Variants in RHOBTB1 observed in about 807,000 individuals in gnomAD.
The protein encoded by RHOBTB1 is rho-related BTB domain-containing protein 1.
RHOBTB1 carries 40 observed loss-of-function variants against 71.6 expected under a neutral mutation model. The ratio of observed to expected loss-of-function variants is 0.56; its 90% CI spans 0.43 to 0.73. The LOEUF (loss-of-function observed/expected upper bound fraction) is 0.73, where lower values mean the gene tolerates loss of function less well. Ranked by LOEUF, RHOBTB1 falls within the 30% of genes least tolerant of loss-of-function variation. The pLI, the probability that RHOBTB1 is intolerant of heterozygous loss-of-function variation, is 0.00. For missense variants in RHOBTB1, 797 were observed against 894.0 expected (o/e 0.89, Z 1.38); for synonymous variants, 319 against 334.9 (o/e 0.95, Z 0.52).
chr10:60,926,881 G>A (rs1024947661), intron 2 of RHOBTB1, among the ~76,000 whole-genome samples: 3 of 152,112 alleles, frequency 2.0e-5, no homozygotes. Flanking sequence ...TCTAGTCAGA[G>A]CAATTGGACA....
At chr10:60,952,452 T>G (rs2085445903) in intron 2 of RHOBTB1, among the ~76,000 whole-genome samples, 1 of 152,230 alleles carries the variant, frequency 6.6e-6, no homozygotes, top group African/African-American at 2.4e-5. Flanking sequence ...TATACTCACT[T>G]TCATTAACTC....
At position 60,932,789 on chromosome 10, in the gene RHOBTB1, G is replaced by C. The variant is rs189344248; in HGVS notation, c.-11+9015C>G. ...AAAGATTGAGATAGAGATATACTAA[G>C]CACTCATTTGAGAAAGCTAATATCA... On this transcript the variant is annotated intron_variant, in intron 2 of 10. Transcript: ENST00000337910. 3.4e-3 allele frequency among the ~76,000 whole-genome samples: 515 copies of C among 152,186 alleles called. 7 individuals carry two copies. The highest frequency in any genetic ancestry group is 0.011 in the African/African-American group (476 of 41,518).
At chr10:60,883,176 T>C (rs2081404303) in intron 7 of RHOBTB1, among the ~76,000 whole-genome samples, 1 of 152,186 alleles carries the variant, frequency 6.6e-6, no homozygotes, top group Non-Finnish European at 1.5e-5. Flanking sequence ...AGGTCTTCAG[T>C]GGCTTGGTTC....
At chr10:60,916,048 A>G (rs1463546010) in intron 2 of RHOBTB1, among the ~76,000 whole-genome samples, 1 of 152,208 alleles carries the variant, frequency 6.6e-6, no homozygotes, top group African/African-American at 2.4e-5. Context: ...CCTGTGCTGG[A>G]TGAAATAAGG....
At chr10:60,954,369 A>C (rs1258457026) in intron 2 of RHOBTB1, among the ~76,000 whole-genome samples, 1 of 152,204 alleles carries the variant, frequency 6.6e-6, no homozygotes, top group Admixed American at 6.5e-5. Context: ...CAGTCTCAAA[A>C]AGGCTTTACA....
At chr10:60,863,767 A>G in the RHOBTB1 span, among the ~76,000 whole-genome samples, 1 of 152,054 alleles carries the variant, frequency 6.6e-6, no homozygotes, top group Non-Finnish European at 1.5e-5. Context: ...TCCTGACCTC[A>G]AGTGATCCGC....
At chr10:60,920,914 C>T (rs1192419737) in intron 2 of RHOBTB1, among the ~76,000 whole-genome samples, 1 of 151,592 alleles carries the variant, frequency 6.6e-6, no homozygotes, top group East Asian at 1.9e-4. Context: ...ACCTTGGCCT[C>T]CCAAAATGCT....
intron 2 of RHOBTB1, among the ~76,000 whole-genome samples, chr10:60,951,684 G>A (rs1589406877): frequency 6.6e-6 from 1 of 152,162 alleles, no homozygotes; most frequent in African/African-American, 2.4e-5. Flanking sequence ...TGAGAGGCAC[G>A]GAAGCTTCAT....
intron 4 of RHOBTB1, among the ~76,000 whole-genome samples, chr10:60,895,989 G>C (rs1220556732): frequency 6.6e-6 from 1 of 152,196 alleles, no homozygotes; most frequent in Non-Finnish European, 1.5e-5. Flanking sequence ...AGTATCCTCT[G>C]TGATATAAAC....
the RHOBTB1 span, among the ~76,000 whole-genome samples, chr10:60,864,099 G>T: frequency 6.6e-6 from 1 of 152,126 alleles, no homozygotes; most frequent in Non-Finnish European, 1.5e-5. Flanking sequence ...CTTGAGACCA[G>T]ACTGAGTGGG....
In RHOBTB1 at chr10:60,905,700, A is replaced by T. The variant is rs181455269; in HGVS notation, c.296+5187T>A. 1.4e-4 allele frequency among the ~76,000 whole-genome samples: 22 copies of T among 152,208 alleles called. No individual in the cohort carries two copies. In the East Asian group the frequency reaches 4.3e-3, roughly 29 times the overall value. On this transcript the variant is annotated intron_variant, in intron 4 of 10. Coordinates refer to ENST00000337910, the MANE Select transcript of RHOBTB1 (RefSeq NM_014836.5). Reference sequence around the variant, plus strand: ...CTGGCCCTGGTCCACCTCCTGGTCCACTTGAAGTTTCACTGTGCAACGGGC... The same window carrying T: ...CTGGCCCTGGTCCACCTCCTGGTCCTCTTGAAGTTTCACTGTGCAACGGGC...
At chr10:60,996,423 G>C (rs1286916664) in intron 1 of RHOBTB1, among the ~76,000 whole-genome samples, 1 of 152,086 alleles carries the variant, frequency 6.6e-6, no homozygotes, top group Non-Finnish European at 1.5e-5. Flanking sequence ...TTAAGGCCTA[G>C]TTCAACTATA....
chr10:60,922,001 G>T (rs1392732239), intron 2 of RHOBTB1, among the ~76,000 whole-genome samples: 1 of 152,168 alleles, frequency 6.6e-6, no homozygotes, highest in Non-Finnish European at 1.5e-5. Context: ...GCAGGCAGGA[G>T]GGGCATAGGA....
chr10:60,909,250 C>A (rs960415751), intron 4 of RHOBTB1, among the ~76,000 whole-genome samples: 6 of 152,206 alleles, frequency 3.9e-5, no homozygotes, highest in African/African-American at 1.4e-4. Context: ...ACCACACCAG[C>A]TTTACGCTGA....
intron 2 of RHOBTB1, among the ~76,000 whole-genome samples, chr10:60,976,556 C>G (rs1439244585): frequency 6.6e-6 from 1 of 151,874 alleles, no homozygotes; most frequent in Admixed American, 6.6e-5. Context: ...CAGTGACATT[C>G]CTCTGTAGTA....
intron 2 of RHOBTB1, among the ~76,000 whole-genome samples, chr10:60,928,411 T>C (rs1046165170): frequency 6.6e-6 from 1 of 151,980 alleles, no homozygotes; most frequent in African/African-American, 2.4e-5. Flanking sequence ...ATAACCAAGA[T>C]ATGGAATAAA....
intron 1 of RHOBTB1, among the ~76,000 whole-genome samples, chr10:60,989,749 C>T (rs1241544922): frequency 6.6e-6 from 1 of 152,098 alleles, no homozygotes; most frequent in Non-Finnish European, 1.5e-5. Context: ...GGGAAGTCCC[C>T]AGACATGTGC....
rs368344760 is a variant in RHOBTB1 at position 60,875,920 on chromosome 10, T to G, written c.1727-878A>C. 7.2e-5 allele frequency among the ~76,000 whole-genome samples: 11 copies of G among 152,352 alleles called. No homozygotes were observed. The South Asian group carries it at 2.3e-3, about 32-fold the overall frequency. ...GCCTTGGCTCAGCATTTCTAGGTCT[T>G]TGACATTGATGTCATCTGTAGCATT... On this transcript the variant is annotated intron_variant, in intron 8 of 10. Transcript: ENST00000337910.
chr10:60,975,381 C>T (rs1011769262), intron 2 of RHOBTB1, among the ~76,000 whole-genome samples: 1 of 152,080 alleles, frequency 6.6e-6, no homozygotes, highest in Non-Finnish European at 1.5e-5. Context: ...GTTGGAAAGA[C>T]ACTGCCTGCA....
Sources: allele counts gnomAD v4.1 joint callset (sites outside exome capture counted in the v4.1 genomes callset), GRCh38; gene constraint gnomAD v4.1.1; transcripts MANE v1.5; gene names NCBI Gene and HGNC (gene_info 2026-07-23, HGNC 2026-07-21).